PIGU: variants seen among roughly 807,000 people sequenced by gnomAD.
PIGU encodes the protein phosphatidylinositol glycan anchor biosynthesis class U, also known as GPI-anchor transamidase component PIGU.
A neutral mutation model predicts 49.9 loss-of-function variants in PIGU; 24 were observed. The ratio of observed to expected loss-of-function variants is 0.48; its 90% confidence interval spans 0.35 to 0.68. PIGU has a LOEUF of 0.68. Ranked by LOEUF, PIGU falls within the 30% of genes least tolerant of loss-of-function variation. The probability of loss-of-function intolerance (pLI) is 0.01; values close to 1 mark genes in which losing one functional copy is unlikely to be tolerated. For missense variants in PIGU, 490 were observed against 532.6 expected (o/e 0.92, Z 0.79); for synonymous variants, 220 against 205.7 (o/e 1.07, Z -0.59).
At chr20:34,601,195 G>A (rs946265205) in intron 7 of PIGU, among the ~76,000 whole-genome samples, 4 of 152,080 alleles carry the variant, frequency 2.6e-5, no homozygotes, top group African/African-American at 7.2e-5. Flanking sequence ...CTCAGTGTTA[G>A]ACTGGAAAAT....
At chr20:34,584,458 A>G (rs984571905) in intron 9 of PIGU, among the ~76,000 whole-genome samples, 31 of 143,360 alleles carry the variant, frequency 2.2e-4, no homozygotes, top group African/African-American at 7.4e-4. Context: ...GAGACATTCC[A>G]CCAGATACAC....
At chr20:34,635,025 T>C (rs1280982058) in intron 5 of PIGU, among the ~76,000 whole-genome samples, 1 of 152,202 alleles carries the variant, frequency 6.6e-6, no homozygotes, top group Non-Finnish European at 1.5e-5. Flanking sequence ...GCAGGTGACA[T>C]TCAAGAAGCA....
chr20:34,668,955 G>A (rs755047347), intron 1 of PIGU, among the ~76,000 whole-genome samples: 3 of 127,246 alleles, frequency 2.4e-5, no homozygotes, highest in Non-Finnish European at 4.7e-5. Flanking sequence ...CATGATCATA[G>A]CTCAATGCAG....
At chr20:34,668,019 G>A (rs1423628590) in intron 1 of PIGU, among the ~76,000 whole-genome samples, 2 of 151,906 alleles carry the variant, frequency 1.3e-5, no homozygotes, top group Admixed American at 6.6e-5. Flanking sequence ...CATTACCTCC[G>A]TCAAACCACA....
chr20:34,667,079 C>A (rs1380331253), intron 1 of PIGU, among the ~76,000 whole-genome samples: 1 of 151,904 alleles, frequency 6.6e-6, no homozygotes, highest in Non-Finnish European at 1.5e-5. Context: ...CGGCCTCAAG[C>A]GATCTACCCA....
intron 7 of PIGU, among the ~76,000 whole-genome samples, chr20:34,607,226 G>A (rs962840799): frequency 3.9e-5 from 6 of 152,184 alleles, no homozygotes; most frequent in East Asian, 1.9e-4. Context: ...GAAAAGGGCC[G>A]TTCCTGGCGA....
At chr20:34,642,652 C>CAT (rs10639203) in intron 4 of PIGU, among the ~76,000 whole-genome samples, 7,608 of 131,236 alleles carry the variant, frequency 0.058, 246 homozygotes, top group Middle Eastern at 0.14. Flanking sequence ...ATATATATCT[C>CAT]ATATATATAT....
chr20:34,625,832 C>T (rs1985465108), intron 6 of PIGU, among the ~76,000 whole-genome samples: 1 of 150,986 alleles, frequency 6.6e-6, no homozygotes, highest in Admixed American at 6.6e-5. Flanking sequence ...ATCACTTGAG[C>T]CTAGGAGTGT....
Position 34,585,464 on chromosome 20 carries a change from T to TAGA in PIGU, c.896_898dup (p.Phe299dup). The stretch of plus-strand genomic sequence containing the variant: ...TAGCTTTATGGCTAAGGGGATGGTG[T>TAGA]AGAAGAAGACGTTGATCTGAAACAC... On this transcript the variant is annotated inframe_insertion, in exon 9 of 12. Transcript: ENST00000217446. 1 of 1,614,162 alleles carries TAGA rather than the reference T, an allele frequency of 6.2e-7. No individual in the cohort carries two copies. The highest frequency in any genetic ancestry group is 8.5e-7 in the Non-Finnish European group (1 of 1,179,980).
chr20:34,569,815 C>A (rs1982929974), intron 11 of PIGU, among the ~76,000 whole-genome samples: 1 of 152,176 alleles, frequency 6.6e-6, no homozygotes, highest in African/African-American at 2.4e-5. Flanking sequence ...TAAGTAGTCA[C>A]TGAATATTCT....
intron 7 of PIGU, among the ~76,000 whole-genome samples, chr20:34,614,745 A>C (rs531633155): frequency 4.7e-4 from 71 of 152,310 alleles, no homozygotes; most frequent in Admixed American, 1.4e-3. Flanking sequence ...CAAGCAAACC[A>C]TGAATCATTG....
chr20:34,618,159 C>G (rs1985081527), intron 6 of PIGU, among the ~76,000 whole-genome samples: 2 of 152,160 alleles, frequency 1.3e-5, no homozygotes, highest in Admixed American at 1.3e-4. Context: ...GTGGTTATCT[C>G]TGGGTAGTGG....
intron 7 of PIGU, among the ~76,000 whole-genome samples, chr20:34,593,496 A>T (rs893095046): frequency 1.9e-4 from 29 of 152,242 alleles, no homozygotes; most frequent in African/African-American, 6.8e-4. Context: ...CTATAATTAA[A>T]GCAGCGCAAT....
chr20:34,673,491 C>CAG (rs1987379292), intron 1 of PIGU, among the ~76,000 whole-genome samples: 4 of 152,148 alleles, frequency 2.6e-5, no homozygotes, highest in Non-Finnish European at 5.9e-5. Flanking sequence ...ACAAATCTCT[C>CAG]TCTCTTTCTA....
At chr20:34,607,131 A>C (rs1011139135) in intron 7 of PIGU, among the ~76,000 whole-genome samples, 4 of 152,226 alleles carry the variant, frequency 2.6e-5, no homozygotes, top group African/African-American at 7.2e-5. Flanking sequence ...ATGTTTTGAC[A>C]CAATGCAAAT....
chr20:34,592,353 G>A (rs1482398363), intron 7 of PIGU, among the ~76,000 whole-genome samples: 2 of 149,598 alleles, frequency 1.3e-5, no homozygotes, highest in Non-Finnish European at 3.0e-5. Context: ...GAAAATAAAG[G>A]TACAATATAA....
chr20:34,660,409 A>G (rs1354364688), intron 1 of PIGU, among the ~76,000 whole-genome samples: 1 of 152,176 alleles, frequency 6.6e-6, no homozygotes, highest in Non-Finnish European at 1.5e-5. Flanking sequence ...ACATGGCAAA[A>G]CCCTGTCTCC....
intron 11 of PIGU, among the ~76,000 whole-genome samples, chr20:34,571,166 G>A (rs1054928370): frequency 6.6e-6 from 1 of 152,118 alleles, no homozygotes; most frequent in African/African-American, 2.4e-5. Flanking sequence ...TCCCTCCTTC[G>A]TTCTCTCACA....
chr20:34,625,392 A>AC (rs1202120032), intron 6 of PIGU, among the ~76,000 whole-genome samples: 25 of 146,558 alleles, frequency 1.7e-4, no homozygotes, highest in African/African-American at 2.5e-4. Context: ...ACAAAAAAAA[A>AC]AAAACTACAT....
Sources: gnomAD v4.1 joint callset for allele counts (sites outside exome capture counted in the v4.1 genomes callset) on GRCh38, gnomAD v4.1.1 for gene constraint, MANE v1.5 for transcripts, NCBI Gene and HGNC (gene_info 2026-07-23, HGNC 2026-07-21) for gene names.